Variants in COL26A1 observed in about 807,000 individuals in gnomAD.
COL26A1 encodes the protein collagen type XXVI alpha 1 chain, also known as collagen alpha-1(XXVI) chain.
In COL26A1, 41 loss-of-function variants were observed where a neutral mutation model predicts 59.3. The ratio of observed to expected loss-of-function variants is 0.69; its 90% CI spans 0.54 to 0.90. The LOEUF (loss-of-function observed/expected upper bound fraction) is 0.90. Ranked by LOEUF, COL26A1 falls within the 40% of genes least tolerant of loss-of-function variation. The pLI, the probability that COL26A1 is intolerant of heterozygous loss-of-function variation, is 0.00. For synonymous variants in COL26A1, 266 were observed against 256.0 expected (o/e 1.04, Z -0.37); for missense variants, 612 against 602.3 (o/e 1.02, Z -0.17).
At chr7:101,440,986 A>AG (rs1554411281) in intron 2 of COL26A1, among the ~76,000 whole-genome samples, 1 of 145,624 alleles carries the variant, frequency 6.9e-6, no homozygotes, top group Non-Finnish European at 1.5e-5. Flanking sequence ...AAAAAAAAAA[A>AG]AAAAGAAAGA....
chr7:101,496,280 C>T (rs905022753), intron 3 of COL26A1, among the ~76,000 whole-genome samples: 7 of 152,152 alleles, frequency 4.6e-5, no homozygotes, highest in African/African-American at 1.4e-4. Flanking sequence ...GGGTTAATGC[C>T]CGGGTAACTG....
chr7:101,431,966 ATTT>A (rs35468529), intron 2 of COL26A1, among the ~76,000 whole-genome samples: 4 of 133,600 alleles, frequency 3.0e-5, no homozygotes, highest in Non-Finnish European at 1.6e-5. Flanking sequence ...TAATTTTATA[ATTT>A]TTTTTTTTTT....
At chr7:101,442,000 G>C (rs189962968) in intron 2 of COL26A1, among the ~76,000 whole-genome samples, 1 of 152,130 alleles carries the variant, frequency 6.6e-6, no homozygotes, top group Non-Finnish European at 1.5e-5. Context: ...TAGGGACAGA[G>C]CCCAAATGCC....
At chr7:101,363,454 G>A (rs1279807831) in intron 1 of COL26A1, among the ~76,000 whole-genome samples, 44 of 137,330 alleles carry the variant, frequency 3.2e-4, no homozygotes, top group Admixed American at 5.9e-4. Flanking sequence ...CAACTGGGAC[G>A]AAATGGCGGT....
At chr7:101,527,097 A>G (rs1291087151) in intron 3 of COL26A1, among the ~76,000 whole-genome samples, 1 of 151,976 alleles carries the variant, frequency 6.6e-6, no homozygotes, top group African/African-American at 2.4e-5. Flanking sequence ...CAGCCTCCTG[A>G]GTAGCTAGGA....
chr7:101,367,118 G>T (rs1791065880), intron 1 of COL26A1, among the ~76,000 whole-genome samples: 1 of 152,272 alleles, frequency 6.6e-6, no homozygotes, highest in African/African-American at 2.4e-5. Context: ...TGGAAGTTAG[G>T]TTGGAAGGTT....
intron 3 of COL26A1, among the ~76,000 whole-genome samples, chr7:101,488,386 A>ACAT (rs1563006485): frequency 7.2e-5 from 9 of 124,798 alleles, no homozygotes; most frequent in African/African-American, 2.7e-4. Flanking sequence ...ATACACACAC[A>ACAT]TTTTTTTTTT....
In COL26A1 at chr7:101,371,836, C is replaced by G. The variant is rs550458634; in HGVS notation, c.158+8646C>G. ...AGACCCAGCCTCCGTCCTTGATGAG[C>G]TCAGAGACTGGTTGGGGAAAACAGA... On this transcript the variant is annotated intron_variant, in intron 1 of 12. Transcript: ENST00000313669. Among the ~76,000 whole-genome samples the G allele has an allele frequency of 1.2e-4, 18 of 152,174 alleles. 1 individual carries two copies. The South Asian group carries it at 3.3e-3, about 28-fold the overall frequency.
chr7:101,471,953 C>G (rs545674138), intron 3 of COL26A1, among the ~76,000 whole-genome samples: 1 of 120,204 alleles, frequency 8.3e-6, no homozygotes, highest in South Asian at 3.0e-4. Context: ...TTGCTATTCT[C>G]TTGTGTAACT....
At chr7:101,412,181 G>A (rs746569720) in intron 1 of COL26A1, among the ~76,000 whole-genome samples, 6 of 152,044 alleles carry the variant, frequency 3.9e-5, no homozygotes, top group African/African-American at 9.7e-5. Context: ...AAAACAGATC[G>A]GGGCAGAAGC....
intron 5 of COL26A1, among the ~76,000 whole-genome samples, chr7:101,542,912 C>G (rs1269760630): frequency 6.6e-6 from 1 of 152,222 alleles, no homozygotes; most frequent in African/African-American, 2.4e-5. Context: ...CCCATCCCAC[C>G]GGGGACCCAG....
At chr7:101,393,804 T>C (rs2130162567) in intron 1 of COL26A1, among the ~76,000 whole-genome samples, 1 of 151,932 alleles carries the variant, frequency 6.6e-6, no homozygotes, top group South Asian at 2.1e-4. Flanking sequence ...TGGAGTGCAG[T>C]GGTGTGATCC....
intron 1 of COL26A1, among the ~76,000 whole-genome samples, chr7:101,390,524 C>G (rs930613471): frequency 6.6e-6 from 1 of 152,154 alleles, no homozygotes; most frequent in African/African-American, 2.4e-5. Flanking sequence ...CTCCTGGGCT[C>G]AAGCCATCCA....
At chr7:101,527,459 C>A (rs1391723450) in intron 3 of COL26A1, among the ~76,000 whole-genome samples, 2 of 151,820 alleles carry the variant, frequency 1.3e-5, no homozygotes, top group African/African-American at 2.4e-5. Context: ...TCCCGAGTAG[C>A]TTGGATTACA....
intron 3 of COL26A1, among the ~76,000 whole-genome samples, chr7:101,520,040 TC>T (rs1379997237): frequency 6.6e-6 from 1 of 152,068 alleles, no homozygotes; most frequent in Non-Finnish European, 1.5e-5. Context: ...GGGGCAATAA[TC>T]CCCTGGTCTA....
chr7:101,367,067 G>A (rs1433115997), intron 1 of COL26A1, among the ~76,000 whole-genome samples: 5 of 152,172 alleles, frequency 3.3e-5, no homozygotes, highest in Non-Finnish European at 5.9e-5. Context: ...TCCCAGTGGT[G>A]TAATTAATTG....
intron 3 of COL26A1, among the ~76,000 whole-genome samples, chr7:101,524,417 T>C (rs1041903019): frequency 1.3e-5 from 2 of 152,122 alleles, no homozygotes; most frequent in African/African-American, 4.8e-5. Flanking sequence ...CAGAAAATGC[T>C]CTGTTGTTTC....
chr7:101,535,042 C>T (rs1031666147), intron 4 of COL26A1, among the ~76,000 whole-genome samples: 4 of 152,226 alleles, frequency 2.6e-5, no homozygotes, highest in Admixed American at 6.5e-5. Context: ...AGAGCAATGA[C>T]GGGGAGCCCC....
At chr7:101,532,923 T>A (rs139468597) in intron 3 of COL26A1, among the ~76,000 whole-genome samples, 159 bp from the exon 4 acceptor site, 1 of 152,128 alleles carries the variant, frequency 6.6e-6, no homozygotes, top group Non-Finnish European at 1.5e-5. Context: ...AGGAGGGGGC[T>A]CTGAGGGTAA....
Sources: gnomAD v4.1 joint callset for allele counts (sites outside exome capture counted in the v4.1 genomes callset) on GRCh38, gnomAD v4.1.1 for gene constraint, MANE v1.5 for transcripts, NCBI Gene and HGNC (gene_info 2026-07-23, HGNC 2026-07-21) for gene names.